The following MLLT10 variants were observed in gnomAD, a reference collection of about 807,000 sequenced individuals.
The protein encoded by MLLT10 is protein AF-10.
In MLLT10, 30 loss-of-function variants were observed where a neutral mutation model predicts 129.1. The ratio of observed to expected loss-of-function variants is 0.23; its 90% confidence interval spans 0.17 to 0.32. The LOEUF is 0.32. Among genes scored for constraint, MLLT10 ranks in the 10% least tolerant of loss-of-function variants. MLLT10 has a pLI of 1.00. For synonymous variants in MLLT10, 490 were observed against 446.4 expected, an observed-to-expected ratio of 1.10 and a Z score of -1.23; for missense variants, 1,119 against 1,268.3, an observed-to-expected ratio of 0.88 and a Z score of 1.79.
chr10:21,714,091 A>C, intron 14 of MLLT10, 141 bp downstream of exon 14: 1 of 652,790 alleles, frequency 1.5e-6, no homozygotes, highest in Middle Eastern at 3.6e-4. Context: ...TGTATTAGTG[A>C]AAATGATAGG....
chr10:21,634,300 T>G (rs1400818691), intron 8 of MLLT10, among the ~76,000 whole-genome samples: 1 of 152,192 alleles, frequency 6.6e-6, no homozygotes, highest in Non-Finnish European at 1.5e-5. Flanking sequence ...TCAGACTAGT[T>G]GTTTTGCAGT....
At chr10:21,586,400 A>T in intron 4 of MLLT10, 52 bp downstream of exon 4, 1 of 1,253,136 alleles carries the variant, frequency 8.0e-7, no homozygotes, top group South Asian at 1.4e-5. Context: ...GGGACAGTGG[A>T]GTATTTTCAA....
chr10:21,558,988 A>G (rs959766498), intron 3 of MLLT10, among the ~76,000 whole-genome samples: 3 of 152,160 alleles, frequency 2.0e-5, no homozygotes, highest in African/African-American at 7.2e-5. Context: ...AGCTCTTTGC[A>G]TTTGATAAAT....
chr10:21,639,260 AG>A (rs1564555746), intron 8 of MLLT10, among the ~76,000 whole-genome samples: 1 of 152,224 alleles, frequency 6.6e-6, no homozygotes. Flanking sequence ...TCAGTTTTGC[AG>A]CAGACATCAT....
rs764280435 is a variant in MLLT10 at position 21,670,495 on chromosome 10, G to A, written c.842G>A (p.Arg281His). The A allele has an allele frequency of 1.1e-5, 17 of 1,614,020 alleles. No individual in the cohort carries two copies. The highest frequency in any genetic ancestry group is 1.6e-4 in the Middle Eastern group (1 of 6,062). The change falls in exon 10 of 23, where the codon CGC (arginine) becomes CAC (histidine). Residue 281 changes from arginine to histidine, a missense_variant. Arg to His is a conservative substitution (Grantham distance 29). Around this residue, in one of 5 missense-constraint regions of MLLT10, gnomAD observed 1,004 missense variants for 1,008.7 expected, o/e 1.00. Coordinates refer to ENST00000307729, the MANE Select transcript of MLLT10 (RefSeq NM_001195626.3). ...SNNSISGSLK[R>H]LEDTTARFTN... ...AACTCTATATCTGGATCATTGAAGCGCTTGGAAGATACTACTGCACGATTT... is the reference window on the plus strand; with the variant it reads ...AACTCTATATCTGGATCATTGAAGCACTTGGAAGATACTACTGCACGATTT...
At chr10:21,723,259 A>G (rs2131549678) in intron 14 of MLLT10, among the ~76,000 whole-genome samples, 1 of 152,296 alleles carries the variant, frequency 6.6e-6, no homozygotes, top group East Asian at 1.9e-4. Context: ...AGATAGGGAA[A>G]CTAAGATAAT....
At chr10:21,535,192 G>A (rs2033706511) in intron 2 of MLLT10, among the ~76,000 whole-genome samples, 2 of 152,016 alleles carry the variant, frequency 1.3e-5, no homozygotes, top group Admixed American at 6.5e-5. Flanking sequence ...GGTGGGTTTG[G>A]GAGAGTGGAG....
chr10:21,713,352 T>G (rs1191970794), intron 13 of MLLT10, among the ~76,000 whole-genome samples: 1 of 152,236 alleles, frequency 6.6e-6, no homozygotes, highest in Non-Finnish European at 1.5e-5. Context: ...ACAAGGTCTC[T>G]TCCTACTTCA....
chr10:21,669,973 C>G (rs2051220632), intron 9 of MLLT10, among the ~76,000 whole-genome samples: 1 of 151,718 alleles, frequency 6.6e-6, no homozygotes, highest in Non-Finnish European at 1.5e-5. Flanking sequence ...AAGTTTTGCT[C>G]TGTCCTCCGC....
chr10:21,639,027 C>T (rs1021220104), intron 8 of MLLT10, among the ~76,000 whole-genome samples: 1 of 152,132 alleles, frequency 6.6e-6, no homozygotes, highest in African/African-American at 2.4e-5. Context: ...TTTCATTTTT[C>T]GACTTTCCTC....
intron 10 of MLLT10, among the ~76,000 whole-genome samples, chr10:21,671,649 G>A (rs1330938501): frequency 6.6e-6 from 1 of 152,168 alleles, no homozygotes; most frequent in Non-Finnish European, 1.5e-5. Flanking sequence ...GCCAGGCATG[G>A]TGGCACATGC....
upstream of MLLT10, chr10:21,534,176 G>T: frequency 2.6e-6 from 1 of 386,326 alleles, no homozygotes; most frequent in Non-Finnish European, 4.6e-6. Context: ...GCGGCAGCGC[G>T]CACGCAGGGC....
intron 4 of MLLT10, among the ~76,000 whole-genome samples, chr10:21,587,761 A>G (rs1052399678): frequency 1.3e-5 from 2 of 152,176 alleles, no homozygotes; most frequent in African/African-American, 4.8e-5. Context: ...CTAGATATAT[A>G]TATTTTACAG....
chr10:21,671,588 C>A (rs767080262), intron 10 of MLLT10, among the ~76,000 whole-genome samples: 4 of 152,106 alleles, frequency 2.6e-5, no homozygotes, highest in Non-Finnish European at 5.9e-5. Flanking sequence ...GAGTTGGAGA[C>A]CAGCCTAGGC....
chr10:21,562,924 A>G (rs941059029), intron 3 of MLLT10, among the ~76,000 whole-genome samples: 1 of 146,808 alleles, frequency 6.8e-6, no homozygotes, highest in African/African-American at 2.6e-5. Flanking sequence ...GGTTCAAGGA[A>G]TTCTCCTGTC....
At chr10:21,552,252 A>G (rs2037174490) in intron 3 of MLLT10, among the ~76,000 whole-genome samples, 1 of 151,838 alleles carries the variant, frequency 6.6e-6, no homozygotes, top group Non-Finnish European at 1.5e-5. Flanking sequence ...ACAAAAATAT[A>G]CAGCAGTGTT....
chr10:21,706,749 G>A (rs192797537), intron 13 of MLLT10, among the ~76,000 whole-genome samples: 1 of 152,224 alleles, frequency 6.6e-6, no homozygotes, highest in East Asian at 1.9e-4. Context: ...TACCAATCTT[G>A]TGTAATTGCA....
At chr10:21,660,173 C>T (rs1428305920) in intron 9 of MLLT10, among the ~76,000 whole-genome samples, 1 of 151,534 alleles carries the variant, frequency 6.6e-6, no homozygotes, top group Non-Finnish European at 1.5e-5. Flanking sequence ...TCGCATGTTG[C>T]CTAGGCTGGT....
chr10:21,588,690 G>T (rs1349456068), intron 4 of MLLT10, among the ~76,000 whole-genome samples: 3 of 152,028 alleles, frequency 2.0e-5, no homozygotes, highest in Non-Finnish European at 2.9e-5. Flanking sequence ...AATCTAACAG[G>T]TAAAAGTTTG....
Sources: gnomAD v4.1 joint callset for allele counts (sites outside exome capture counted in the v4.1 genomes callset) on GRCh38, gnomAD v4.1.1 for gene constraint, gnomAD v4.1.1 regional missense constraint, MANE v1.5 for transcripts, NCBI Gene and HGNC (gene_info 2026-07-23, HGNC 2026-07-21) for gene names.